Variants in GUCY1A2 observed in about 807,000 individuals in gnomAD.
GUCY1A2 encodes the protein guanylate cyclase 1 soluble subunit alpha 2, also known as guanylate cyclase soluble subunit alpha-2.
Under a neutral mutation model 63.5 loss-of-function variants are expected in GUCY1A2, and 27 were observed. The observed-to-expected ratio is 0.43, with a 90% CI of 0.31 to 0.59. The LOEUF is 0.59. Among genes scored for constraint, GUCY1A2 ranks in the 20% least tolerant of loss-of-function variants. The probability of loss-of-function intolerance (pLI) is 0.11; values close to 1 mark genes in which losing one functional copy is unlikely to be tolerated. For synonymous variants in GUCY1A2, 364 were observed against 343.5 expected (o/e 1.06, Z -0.66); for missense variants, 768 against 913.3 (o/e 0.84, Z 2.05).
At chr11:106,778,512 T>A (rs977250626) in intron 5 of GUCY1A2, among the ~76,000 whole-genome samples, 1 of 152,064 alleles carries the variant, frequency 6.6e-6, no homozygotes, top group Non-Finnish European at 1.5e-5. Context: ...ACAAAAAGAA[T>A]TAGCCGGGCA....
intron 1 of GUCY1A2, among the ~76,000 whole-genome samples, chr11:106,994,963 T>C (rs560081125): frequency 1.8e-4 from 27 of 152,332 alleles, no homozygotes; most frequent in Middle Eastern, 3.4e-3. Context: ...CTTGCTTCAC[T>C]GGTCACCATC....
At chr11:106,785,003 A>G (rs1321783488) in intron 5 of GUCY1A2, among the ~76,000 whole-genome samples, 1 of 152,212 alleles carries the variant, frequency 6.6e-6, no homozygotes, top group Non-Finnish European at 1.5e-5. Flanking sequence ...AGAGAGAAGA[A>G]TCTGTGTACA....
At chr11:106,720,523 C>T (rs1863298273) in intron 6 of GUCY1A2, among the ~76,000 whole-genome samples, 1 of 151,986 alleles carries the variant, frequency 6.6e-6, no homozygotes, top group South Asian at 2.1e-4. Context: ...TCTTTCTTAA[C>T]CCTTTTTTTT....
intron 1 of GUCY1A2, among the ~76,000 whole-genome samples, chr11:107,016,788 A>G (rs1208901253): frequency 6.6e-6 from 1 of 152,042 alleles, no homozygotes; most frequent in East Asian, 1.9e-4. Flanking sequence ...AGGATGAGGT[A>G]CAGGTGCAAG....
In GUCY1A2 at chr11:107,009,402, C is replaced by T. The variant is rs147653668; in HGVS notation, c.303+8351G>A. The stretch of plus-strand genomic sequence containing the variant: ...CATTTGAGAAATGTTGTGTCAATCT[C>T]ACTCTGAAAAACACAAATGCTGGTG... On this transcript the variant is annotated intron_variant, in intron 1 of 7. Transcript: ENST00000526355. 8.5e-5 allele frequency among the ~76,000 whole-genome samples: 13 copies of T among 152,282 alleles called. No individual in the cohort carries two copies. The East Asian group carries it at 1.4e-3, about 16-fold the overall frequency.
intron 6 of GUCY1A2, among the ~76,000 whole-genome samples, chr11:106,763,815 C>A (rs749474766): frequency 5.3e-5 from 8 of 152,036 alleles, no homozygotes; most frequent in Non-Finnish European, 1.2e-4. Context: ...AACTATTTGA[C>A]TACATTTTTC....
chr11:106,976,542 C>G (rs1340949072), intron 3 of GUCY1A2, among the ~76,000 whole-genome samples: 1 of 152,138 alleles, frequency 6.6e-6, no homozygotes. Flanking sequence ...GTCAATATAT[C>G]AAGAGTTCTA....
intron 2 of GUCY1A2, among the ~76,000 whole-genome samples, chr11:106,980,044 C>A (rs1861314715): frequency 6.6e-6 from 1 of 152,186 alleles, no homozygotes; most frequent in Non-Finnish European, 1.5e-5. Flanking sequence ...CCCCAGTGAA[C>A]ATCTGCAGAG....
At chr11:106,852,996 G>A (rs1262494444) in intron 4 of GUCY1A2, among the ~76,000 whole-genome samples, 1 of 152,106 alleles carries the variant, frequency 6.6e-6, no homozygotes, top group Non-Finnish European at 1.5e-5. Context: ...TCAGACTTCT[G>A]TTGGAAAATC....
At chr11:106,724,223 G>A (rs1298296181) in intron 6 of GUCY1A2, among the ~76,000 whole-genome samples, 2 of 152,240 alleles carry the variant, frequency 1.3e-5, no homozygotes, top group Admixed American at 1.3e-4. Context: ...CCTCAGCCCT[G>A]CAAGCAGTCT....
chr11:106,885,246 G>C (rs543762090), intron 4 of GUCY1A2, among the ~76,000 whole-genome samples: 1 of 152,228 alleles, frequency 6.6e-6, no homozygotes, highest in South Asian at 2.1e-4. Context: ...TTTGTACAAT[G>C]AATGTGTCAG....
chr11:106,782,787 C>T (rs1470968216), intron 5 of GUCY1A2, among the ~76,000 whole-genome samples: 1 of 152,050 alleles, frequency 6.6e-6, no homozygotes, highest in Non-Finnish European at 1.5e-5. Context: ...AAACCATAGC[C>T]CAGACTTTCA....
In GUCY1A2 at chr11:106,907,091, G is replaced by C. The variant is rs189185413; in HGVS notation, c.1206+32369C>G. 3.6e-4 allele frequency among the ~76,000 whole-genome samples: 55 copies of C among 151,826 alleles called. No homozygotes were observed. In the East Asian group the frequency reaches 0.01, roughly 28 times the overall value. On this transcript the variant is annotated intron_variant, in intron 4 of 7. Transcript: ENST00000526355. ...CCAGAACTTAAATTTAAAATAAAAA[G>C]ACCACTTGCCTAGTAACAGCAGCTC...
intron 4 of GUCY1A2, among the ~76,000 whole-genome samples, chr11:106,895,837 A>C (rs117853283): frequency 0.012 from 1,888 of 152,140 alleles, 26 homozygotes; most frequent in South Asian, 0.045. Context: ...TATAACATAA[A>C]TGCAAAAATT....
At chr11:106,981,033 T>C (rs1444547342) in intron 2 of GUCY1A2, among the ~76,000 whole-genome samples, 1 of 152,238 alleles carries the variant, frequency 6.6e-6, no homozygotes, top group African/African-American at 2.4e-5. Context: ...AGATGGAAAG[T>C]GCCCAGCATA....
At chr11:106,773,129 C>A (rs1028133907) in intron 6 of GUCY1A2, among the ~76,000 whole-genome samples, 4 of 151,490 alleles carry the variant, frequency 2.6e-5, no homozygotes. Flanking sequence ...TATCCTCTTA[C>A]TTCCCATATC....
At position 107,012,689 on chromosome 11, in the gene GUCY1A2, T is replaced by C. The variant is rs528090699; in HGVS notation, c.303+5064A>G. Among the ~76,000 whole-genome samples, 10 of 152,280 alleles carry C rather than the reference T, an allele frequency of 6.6e-5. No homozygotes were observed. In the South Asian group the frequency reaches 1.9e-3, roughly 28 times the overall value. On this transcript the variant is annotated intron_variant, in intron 1 of 7. Coordinates refer to ENST00000526355, the MANE Select transcript of GUCY1A2 (RefSeq NM_000855.3). ...GGATAAGGTAAAGAAAGGCAATAGA[T>C]TGCCATTAAATTCTGATTTCAGATT...
Position 106,675,466 on chromosome 11 carries a change from TG to T in GUCY1A2, c.*12082del, listed in dbSNP as rs1862330156. ...TGCTCCAAATTCTTAAAGGAGACAATGAATTAGTAGCTTGTAAATTTTGCAG... is the reference window on the plus strand; with the variant it reads ...TGCTCCAAATTCTTAAAGGAGACAATAATTAGTAGCTTGTAAATTTTGCAG... On this transcript the variant is annotated 3_prime_UTR_variant, in exon 8 of 8. Transcript: ENST00000526355. The T allele has an allele frequency of 5.0e-6, 1 of 201,588 alleles. No individual in the cohort carries two copies. The highest frequency in any genetic ancestry group is 1.0e-5 in the Non-Finnish European group (1 of 98,054). 12.5% of individuals were successfully genotyped at this position (201,588 alleles called of 1,614,324 possible). A position where few individuals can be genotyped will look rare whatever the true frequency, so the allele number is the denominator to read the frequency against.
intron 2 of GUCY1A2, among the ~76,000 whole-genome samples, chr11:106,984,084 G>T (rs932418388): frequency 6.6e-6 from 1 of 152,150 alleles, no homozygotes; most frequent in African/African-American, 2.4e-5. Flanking sequence ...GAGAAAAAAG[G>T]CAAGAAAGGG....
Sources: allele counts gnomAD v4.1 joint callset (sites outside exome capture counted in the v4.1 genomes callset), GRCh38; gene constraint gnomAD v4.1.1; transcripts MANE v1.5; gene names NCBI Gene and HGNC (gene_info 2026-07-23, HGNC 2026-07-21).